MROH2B: variants seen among roughly 807,000 people sequenced by gnomAD.
The protein encoded by MROH2B is maestro heat like repeat family member 2B.
MROH2B carries 177 observed loss-of-function variants against 208.6 expected under a neutral mutation model. The observed-to-expected ratio is 0.85, with a 90% CI of 0.75 to 0.96. MROH2B has a LOEUF of 0.96. Among genes scored for constraint, MROH2B ranks in the 40% least tolerant of loss-of-function variants. The pLI is 0.00. For synonymous variants in MROH2B, 728 were observed against 659.0 expected, an observed-to-expected ratio of 1.10 and a Z score of -1.60; for missense variants, 2,002 against 1,878.7, an observed-to-expected ratio of 1.07 and a Z score of -1.21.
intron 33 of MROH2B, 37 bp from the exon 34 acceptor site, chr5:41,007,491 C>A: frequency 6.8e-7 from 1 of 1,475,914 alleles, no homozygotes; most frequent in South Asian, 1.5e-5. Context: ...ACTAAGTTGA[C>A]CCTTATAGGG....
chr5:41,065,318 A>G lies in MROH2B; in HGVS notation c.361+13T>C. On this transcript the variant is annotated intron_variant, in intron 4 of 41. Coordinates refer to ENST00000399564, the MANE Select transcript of MROH2B (RefSeq NM_173489.5). ...CATTTCCCAGGGAAAATTGGAGAAT[A>G]TTCCCGCTATACCATAGCTGGTTGC... 6.2e-7 allele frequency: 1 copy of G among 1,601,442 alleles called. No individual in the cohort carries two copies. Among genetic ancestry groups the G allele is most frequent in the Middle Eastern group, 1.7e-4 (1 of 6,002 alleles).
chr5:41,066,939 C>T (rs552708242), intron 3 of MROH2B, among the ~76,000 whole-genome samples, 169 bp downstream of exon 3: 23 of 152,288 alleles, frequency 1.5e-4, no homozygotes, highest in African/African-American at 5.1e-4. Flanking sequence ...TCAGTTTCCT[C>T]ATCTGTGAAG....
intron 24 of MROH2B, among the ~76,000 whole-genome samples, chr5:41,022,151 T>C (rs1742172379): frequency 6.6e-6 from 1 of 152,118 alleles, no homozygotes; most frequent in African/African-American, 2.4e-5. Context: ...ATTTCTGCAT[T>C]TCCCACTGAG....
intron 24 of MROH2B, among the ~76,000 whole-genome samples, chr5:41,023,137 C>G (rs1579921251): frequency 6.6e-6 from 1 of 152,312 alleles, no homozygotes. Flanking sequence ...TCAGAGCGCT[C>G]TCCCCCTCCA....
chr5:41,005,920 AT>A (rs1337103295), intron 34 of MROH2B, among the ~76,000 whole-genome samples: 1 of 151,652 alleles, frequency 6.6e-6, no homozygotes, highest in Non-Finnish European at 1.5e-5. Context: ...AGTCCCAGCT[AT>A]TCAGGAGGCT....
At chr5:41,057,225 C>T (rs777859595) in intron 8 of MROH2B, 43 bp downstream of exon 8, 5 of 1,611,064 alleles carry the variant, frequency 3.1e-6, no homozygotes, top group East Asian at 2.2e-5. Context: ...CACAGAAAAC[C>T]GGTTGAAATT....
chr5:41,051,727 A>G (rs1467160346), intron 12 of MROH2B, among the ~76,000 whole-genome samples: 1 of 152,220 alleles, frequency 6.6e-6, no homozygotes, highest in East Asian at 1.9e-4. Flanking sequence ...TCTGTTAGGA[A>G]GCAGGCACTC....
rs1306205340 is a variant in MROH2B, at chr5:41,011,908, T to A, written c.3135+675A>T. ...GTCTCAAACTCCTGTCCTCAAGTGATCCACCTGCCTTGGCCTCCCAAAGTG... is the reference window on the plus strand; with the variant it reads ...GTCTCAAACTCCTGTCCTCAAGTGAACCACCTGCCTTGGCCTCCCAAAGTG... On this transcript the variant is annotated intron_variant, in intron 30 of 41. Coordinates refer to ENST00000399564, the MANE Select transcript of MROH2B (RefSeq NM_173489.5). Among the ~76,000 whole-genome samples the A allele has an allele frequency of 2.6e-5, 4 of 152,216 alleles. No homozygotes were observed. In the East Asian group the frequency reaches 7.7e-4, roughly 29 times the overall value.
intron 5 of MROH2B, among the ~76,000 whole-genome samples, chr5:41,063,536 T>C (rs55949019): frequency 0.04 from 6,050 of 152,184 alleles, 403 homozygotes; most frequent in African/African-American, 0.14. Flanking sequence ...TCAATATATA[T>C]CAGATAAAAA....
chr5:41,010,984 T>C (rs1402043848), intron 30 of MROH2B, among the ~76,000 whole-genome samples: 2 of 152,154 alleles, frequency 1.3e-5, no homozygotes, highest in Non-Finnish European at 2.9e-5. Context: ...AATGCTGAGA[T>C]TTCTAGTGTA....
At chr5:41,044,249 CAAAAA>C (rs35282921) in intron 18 of MROH2B, among the ~76,000 whole-genome samples, 2 of 129,200 alleles carry the variant, frequency 1.5e-5, no homozygotes. Context: ...GACTCCATCT[CAAAAA>C]AAAAAAAAAA....
intron 2 of MROH2B, among the ~76,000 whole-genome samples, chr5:41,068,941 C>T (rs1405316840): frequency 6.6e-6 from 1 of 152,178 alleles, no homozygotes; most frequent in South Asian, 2.1e-4. Flanking sequence ...AATATATGGT[C>T]AGGGTTGAGA....
At chr5:41,066,071 C>CACA (rs1743804551) in intron 3 of MROH2B, among the ~76,000 whole-genome samples, 1 of 152,056 alleles carries the variant, frequency 6.6e-6, no homozygotes, top group African/African-American at 2.4e-5. Context: ...GTACCATGAA[C>CACA]ACAAGACTTA....
chr5:41,032,046 A>C (rs1561290373), intron 24 of MROH2B, among the ~76,000 whole-genome samples: 2 of 152,078 alleles, frequency 1.3e-5, no homozygotes, highest in Non-Finnish European at 2.9e-5. Context: ...ACGCATGCAT[A>C]TGTCTTCACA....
intron 33 of MROH2B, among the ~76,000 whole-genome samples, 173 bp from the exon 34 acceptor site, chr5:41,007,627 G>A (rs1036624745): frequency 1.3e-5 from 2 of 152,138 alleles, no homozygotes; most frequent in Non-Finnish European, 2.9e-5. Flanking sequence ...GATCCATGGG[G>A]ACATGCAGAT....
Position 41,004,590 on chromosome 5 carries a change from G to A in MROH2B, c.4012-62C>T, listed in dbSNP as rs7712620. 1.6e-3 allele frequency: 2,441 copies of A among 1,545,986 alleles called. 41 individuals carry two copies. The African/African-American group carries it at 0.028, about 18-fold the overall frequency. On this transcript the variant is annotated intron_variant, in intron 36 of 41. Transcript: ENST00000399564. The stretch of plus-strand genomic sequence containing the variant: ...TTCTATGCGTATCTGGAAGAGGGTA[G>A]GAGTCCTCAGACAAGAGGACTGAAA...
intron 19 of MROH2B, among the ~76,000 whole-genome samples, chr5:41,041,214 G>T (rs766886895): frequency 6.6e-6 from 1 of 152,170 alleles, no homozygotes. Context: ...GTGTGAGAAA[G>T]AACCCTAAAT....
chr5:41,033,864 C>T lies in MROH2B; in HGVS notation c.2215G>A (p.Val739Ile), dbSNP rs1287881208. The T allele has an allele frequency of 1.2e-5, 18 of 1,547,490 alleles. No homozygotes were observed. Among genetic ancestry groups the T allele is most frequent in the Non-Finnish European group, 1.4e-5 (16 of 1,144,296 alleles). Residue 739 changes from valine to isoleucine, a missense_variant and splice_region_variant, in exon 22 of 42, where the codon GTT becomes ATT. By Grantham distance (29) the Val-to-Ile change is conservative. Transcript: ENST00000399564. ...VLSLHGQCSQ[V>I]LGMSVMNKDM... ...TTGTTCATCACAGACATGCCCAGAA[C>T]CTAAAAAAAATCAAAGGCAAAATTA...
In MROH2B at chr5:41,066,298, G is replaced by T. The variant is rs971439565; in HGVS notation, c.202-808C>A. ...TCCTGAGGAAAATACAAAGGACCCA[G>T]ATAAGATATTAAAAATATATACTCA... On this transcript the variant is annotated intron_variant, in intron 3 of 41. Coordinates refer to ENST00000399564, the MANE Select transcript of MROH2B (RefSeq NM_173489.5). 2.0e-5 allele frequency among the ~76,000 whole-genome samples: 3 copies of T among 152,102 alleles called. No individual in the cohort carries two copies. The East Asian group carries it at 5.8e-4, about 29-fold the overall frequency.
Sources: allele counts gnomAD v4.1 joint callset (sites outside exome capture counted in the v4.1 genomes callset), GRCh38; gene constraint gnomAD v4.1.1; transcripts MANE v1.5; gene names NCBI Gene and HGNC (gene_info 2026-07-23, HGNC 2026-07-21).